The following LRRC4C variants were observed in gnomAD, a reference collection of about 807,000 sequenced individuals.
LRRC4C encodes leucine rich repeat containing 4C, also known as leucine-rich repeat-containing protein 4C.
A neutral mutation model predicts 33.6 loss-of-function variants in LRRC4C; 5 were observed. That is an observed-to-expected ratio of 0.15 (90% CI 0.08 to 0.31). The LOEUF is 0.31. LRRC4C is among the 10% of genes least tolerant of loss of function. The probability of loss-of-function intolerance (pLI) is 1.00; values close to 1 mark genes in which losing one functional copy is unlikely to be tolerated. For missense variants in LRRC4C, 560 were observed against 796.7 expected (o/e 0.70, Z 3.58); for synonymous variants, 329 against 302.0 (o/e 1.09, Z -0.93).
chr11:40,354,689 C>A (rs1328967493), intron 3 of LRRC4C, among the ~76,000 whole-genome samples: 2 of 152,098 alleles, frequency 1.3e-5, no homozygotes, highest in African/African-American at 4.8e-5. Flanking sequence ...CTTTAATCAG[C>A]TTGTCATGAA....
chr11:41,374,811 G>C (rs1321175066), intron 1 of LRRC4C, among the ~76,000 whole-genome samples: 1 of 152,082 alleles, frequency 6.6e-6, no homozygotes, highest in East Asian at 1.9e-4. Flanking sequence ...AATATTTGCG[G>C]TAAAAATGTA....
chr11:41,296,553 G>T (rs1442171599), intron 1 of LRRC4C, among the ~76,000 whole-genome samples: 1 of 152,114 alleles, frequency 6.6e-6, no homozygotes, highest in Non-Finnish European at 1.5e-5. Flanking sequence ...GACCTCAGGT[G>T]ATTAGCCCAC....
Position 41,204,169 on chromosome 11 carries a change from G to T in LRRC4C, c.-496+255262C>A, listed in dbSNP as rs922895754. 1.6e-4 allele frequency among the ~76,000 whole-genome samples: 25 copies of T among 152,084 alleles called. 1 individual carries two copies. The highest frequency in any genetic ancestry group is 1.2e-3 in the Admixed American group (19 of 15,268). On this transcript the variant is annotated intron_variant, in intron 1 of 6. Transcript: ENST00000528697. The stretch of plus-strand genomic sequence containing the variant: ...AGATTTGGAGACAGAGTATTATCCT[G>T]GCCTTCTAAAAATAGAAGAGCCATG...
chr11:40,389,065 G>A (rs1949230191), intron 3 of LRRC4C, among the ~76,000 whole-genome samples: 1 of 152,110 alleles, frequency 6.6e-6, no homozygotes, highest in Non-Finnish European at 1.5e-5. Flanking sequence ...AATATACTTT[G>A]AGTACTGTAC....
chr11:40,351,861 C>T (rs955625089), intron 3 of LRRC4C, among the ~76,000 whole-genome samples: 1 of 151,956 alleles, frequency 6.6e-6, no homozygotes, highest in East Asian at 1.9e-4. Context: ...TTGGTTTTCA[C>T]TTTCATAGAA....
intron 2 of LRRC4C, among the ~76,000 whole-genome samples, chr11:40,742,106 A>G (rs900743270): frequency 6.6e-6 from 1 of 152,196 alleles, no homozygotes; most frequent in African/African-American, 2.4e-5. Flanking sequence ...GGAGCAGATG[A>G]AATTCAAATC....
chr11:40,196,126 G>T (rs1476005428), intron 5 of LRRC4C, among the ~76,000 whole-genome samples: 1 of 152,142 alleles, frequency 6.6e-6, no homozygotes, highest in Non-Finnish European at 1.5e-5. Context: ...GTTTCTAGTA[G>T]GAGCTTTTTG....
intron 1 of LRRC4C, among the ~76,000 whole-genome samples, chr11:41,011,164 T>TAAC (rs1182672083): frequency 3.3e-5 from 5 of 152,308 alleles, no homozygotes; most frequent in African/African-American, 9.6e-5. Flanking sequence ...TATAACATGA[T>TAAC]ATACAACAAA....
At chr11:40,369,344 T>C (rs574881845) in intron 3 of LRRC4C, among the ~76,000 whole-genome samples, 355 of 152,248 alleles carry the variant, frequency 2.3e-3, no homozygotes, top group Non-Finnish European at 4.6e-3. Flanking sequence ...GTTGTTGTTG[T>C]TGTTGTTTGT....
At chr11:40,904,036 G>T (rs1167847299) in intron 2 of LRRC4C, among the ~76,000 whole-genome samples, 1 of 152,142 alleles carries the variant, frequency 6.6e-6, no homozygotes, top group Admixed American at 6.6e-5. Context: ...TGGAAGTGGA[G>T]CCTGAAGATT....
At chr11:40,360,676 A>T (rs1379005978) in intron 3 of LRRC4C, among the ~76,000 whole-genome samples, 1 of 152,150 alleles carries the variant, frequency 6.6e-6, no homozygotes, top group Non-Finnish European at 1.5e-5. Flanking sequence ...ATATCTGAAG[A>T]TAAAAACTGT....
intron 3 of LRRC4C, among the ~76,000 whole-genome samples, chr11:40,529,412 G>T (rs1956186053): frequency 6.6e-6 from 1 of 151,954 alleles, no homozygotes; most frequent in Non-Finnish European, 1.5e-5. Flanking sequence ...TGAATGACAG[G>T]GTAGAGTATG....
Position 40,374,292 on chromosome 11 carries a change from G to T in LRRC4C, c.-269-54571C>A, listed in dbSNP as rs1025091788. On this transcript the variant is annotated intron_variant, in intron 3 of 6. Transcript: ENST00000528697. Reference sequence around the variant, plus strand: ...TATTTTACCTTCCCTGATCCTCCTGGGTAGAATTAGTCTTATTTATTCATT... The same window carrying T: ...TATTTTACCTTCCCTGATCCTCCTGTGTAGAATTAGTCTTATTTATTCATT... 3.9e-5 allele frequency among the ~76,000 whole-genome samples: 6 copies of T among 151,960 alleles called. 1 individual carries two copies. Among genetic ancestry groups the T allele is most frequent in the Admixed American group, 3.9e-4 (6 of 15,244 alleles).
At chr11:40,472,428 A>G (rs1952987694) in intron 3 of LRRC4C, among the ~76,000 whole-genome samples, 1 of 115,288 alleles carries the variant, frequency 8.7e-6, no homozygotes, top group South Asian at 2.9e-4. Flanking sequence ...CAAAGACACA[A>G]GGTACCAGAA....
Position 40,921,242 on chromosome 11 carries a change from T to A in LRRC4C, c.-407+12393A>T, listed in dbSNP as rs369215410. ...CTGGCTTGAAATGAATCTCTAAAAG[T>A]GGAAGAGAAAGGCAGAAAAGTGGGT... is the stretch of plus-strand genomic sequence containing the variant. On this transcript the variant is annotated intron_variant, in intron 2 of 6. Coordinates refer to ENST00000528697, the MANE Select transcript of LRRC4C (RefSeq NM_001258419.2). 7.2e-5 allele frequency among the ~76,000 whole-genome samples: 11 copies of A among 151,976 alleles called. No individual in the cohort carries two copies. In the East Asian group the frequency reaches 1.2e-3, roughly 16 times the overall value.
intron 2 of LRRC4C, among the ~76,000 whole-genome samples, chr11:40,867,928 T>C (rs1954450684): frequency 6.6e-6 from 1 of 152,130 alleles, no homozygotes; most frequent in African/African-American, 2.4e-5. Flanking sequence ...GTGAAACCCA[T>C]GTGACTCCAG....
At chr11:40,672,270 C>T in intron 2 of LRRC4C, among the ~76,000 whole-genome samples, 1 of 152,034 alleles carries the variant, frequency 6.6e-6, no homozygotes, top group African/African-American at 2.4e-5. Context: ...TCTCTTGGGC[C>T]TCTTTTATAA....
At chr11:40,693,830 A>G (rs1212038034) in intron 2 of LRRC4C, among the ~76,000 whole-genome samples, 3 of 152,120 alleles carry the variant, frequency 2.0e-5, no homozygotes, top group African/African-American at 4.8e-5. Flanking sequence ...TGACACAACG[A>G]CATAGTCTAT....
chr11:40,338,845 A>G (rs1946744683), intron 3 of LRRC4C, among the ~76,000 whole-genome samples: 2 of 152,332 alleles, frequency 1.3e-5, no homozygotes, highest in South Asian at 4.1e-4. Context: ...GTTTCTGGCC[A>G]CTAGACTATA....
Sources: allele counts gnomAD v4.1 joint callset (sites outside exome capture counted in the v4.1 genomes callset), GRCh38; gene constraint gnomAD v4.1.1; transcripts MANE v1.5; gene names NCBI Gene and HGNC (gene_info 2026-07-23, HGNC 2026-07-21).